EPS15L1: variants seen among roughly 807,000 people sequenced by gnomAD.
EPS15L1 encodes the protein epidermal growth factor receptor substrate 15-like 1.
In EPS15L1, 43 loss-of-function variants were observed where a neutral mutation model predicts 117.1. The ratio of observed to expected loss-of-function variants is 0.37; its 90% confidence interval spans 0.29 to 0.47. EPS15L1 has a LOEUF of 0.47. EPS15L1 is among the 20% of genes least tolerant of loss of function. EPS15L1 has a pLI of 0.99. For synonymous variants in EPS15L1, 459 were observed against 470.5 expected (o/e 0.98, Z 0.32); for missense variants, 981 against 1,164.0 (o/e 0.84, Z 2.29).
At chr19:16,407,135 G>A (rs1236820929) in intron 13 of EPS15L1, among the ~76,000 whole-genome samples, 1 of 152,180 alleles carries the variant, frequency 6.6e-6, no homozygotes, top group Non-Finnish European at 1.5e-5. Context: ...GTGCTGTTAT[G>A]GCAAGCCAAA....
Position 16,392,448 on chromosome 19 carries a change from GA to G in EPS15L1, c.1967-9del. ...GGTCCCCTCCAAATGGATCTAGAAG[GA>G]AAAATGCCCCATAAGTAAACATTAT... On this transcript the variant is annotated splice_polypyrimidine_tract_variant and intron_variant, in intron 18 of 23. Transcript: ENST00000455140. The G allele has an allele frequency of 6.2e-7, 1 of 1,612,600 alleles. No homozygotes were observed. Among genetic ancestry groups the G allele is most frequent in the Non-Finnish European group, 8.5e-7 (1 of 1,179,262 alleles).
At chr19:16,438,286 G>A (rs1037360917) in intron 4 of EPS15L1, among the ~76,000 whole-genome samples, 7 of 152,136 alleles carry the variant, frequency 4.6e-5, no homozygotes, top group Non-Finnish European at 1.0e-4. Context: ...CCAGAGGGTG[G>A]AGGCTGCAGT....
intron 13 of EPS15L1, among the ~76,000 whole-genome samples, chr19:16,410,650 C>G (rs1030798829): frequency 2.0e-5 from 3 of 152,170 alleles, no homozygotes; most frequent in African/African-American, 7.2e-5. Context: ...TGGCTCATGC[C>G]TGTAATCCCA....
rs374750013 is a variant in EPS15L1, at chr19:16,413,762, G to A, written c.1266+11C>T. ...CAAAGTAGATGTAACCAAAACGAAC[G>A]AGACCCTTACCTGCACCTCGCTGGT... On this transcript the variant is annotated intron_variant, in intron 13 of 23. Coordinates refer to ENST00000455140, the MANE Select transcript of EPS15L1 (RefSeq NM_001258374.3). 1.7e-4 allele frequency: 282 copies of A among 1,612,214 alleles called. No individual in the cohort carries two copies. The highest frequency in any genetic ancestry group is 2.1e-4 in the Non-Finnish European group (245 of 1,178,388).
At chr19:16,426,566 GA>G (rs1264796044) in intron 8 of EPS15L1, among the ~76,000 whole-genome samples, 3 of 152,168 alleles carry the variant, frequency 2.0e-5, no homozygotes, top group Admixed American at 1.3e-4. Context: ...TTGAATCCAG[GA>G]GGTGGAGGAT....
chr19:16,456,494 T>C (rs1337042871), intron 1 of EPS15L1, among the ~76,000 whole-genome samples: 2 of 151,738 alleles, frequency 1.3e-5, no homozygotes, highest in Non-Finnish European at 2.9e-5. Flanking sequence ...CTATCTCTAC[T>C]AAACATATAA....
intron 10 of EPS15L1, 21 bp downstream of exon 10, chr19:16,421,298 C>G: frequency 1.9e-6 from 3 of 1,587,540 alleles, no homozygotes; most frequent in Non-Finnish European, 2.6e-6. Context: ...ACAGCCACAA[C>G]TGCCACCTGT....
intron 22 of EPS15L1, among the ~76,000 whole-genome samples, chr19:16,375,090 T>G (rs936939007): frequency 1.3e-5 from 2 of 152,230 alleles, no homozygotes; most frequent in African/African-American, 4.8e-5. Flanking sequence ...TCTCTATGCA[T>G]GCATGTGTGT....
chr19:16,434,043 A>C (rs1826932416), intron 7 of EPS15L1, among the ~76,000 whole-genome samples: 1 of 152,238 alleles, frequency 6.6e-6, no homozygotes, highest in African/African-American at 2.4e-5. Flanking sequence ...AAAGGGGGAA[A>C]GCCCAAGTTG....
At chr19:16,452,850 G>A (rs904652393) in intron 1 of EPS15L1, among the ~76,000 whole-genome samples, 3 of 151,458 alleles carry the variant, frequency 2.0e-5, no homozygotes, top group East Asian at 1.9e-4. Context: ...AAGCTGGAGC[G>A]CAGTGGCACG....
At position 16,363,630 on chromosome 19, in the gene EPS15L1, C is replaced by T. The variant is rs79578464; in HGVS notation, c.2381-1646G>A. Among the ~76,000 whole-genome samples, 229 of 152,322 alleles carry T rather than the reference C, an allele frequency of 1.5e-3. 1 individual carries two copies. In the East Asian group the frequency reaches 0.042, roughly 28 times the overall value. ...GGCAAGGGAAAGTGCCTCCTCCCAGCTGGCCTCCGTTTCCTTATCTGTGAA... is the reference window on the plus strand; with the variant it reads ...GGCAAGGGAAAGTGCCTCCTCCCAGTTGGCCTCCGTTTCCTTATCTGTGAA... On this transcript the variant is annotated intron_variant, in intron 22 of 23. Coordinates refer to ENST00000455140, the MANE Select transcript of EPS15L1 (RefSeq NM_001258374.3).
intron 1 of EPS15L1, among the ~76,000 whole-genome samples, chr19:16,452,133 C>T (rs1012114864): frequency 8.8e-5 from 13 of 148,350 alleles, no homozygotes; most frequent in African/African-American, 1.2e-4. Context: ...AGTGAGACTT[C>T]GTCTCAAAAA....
intron 13 of EPS15L1, among the ~76,000 whole-genome samples, chr19:16,409,724 G>A (rs1029844231): frequency 6.6e-6 from 1 of 152,018 alleles, no homozygotes; most frequent in Admixed American, 6.6e-5. Flanking sequence ...GATCACCTGA[G>A]GTCAGGAGTT....
Position 16,402,502 on chromosome 19 carries a change from T to A in EPS15L1, c.1627-17A>T, listed in dbSNP as rs73021136. 28,961 of 1,571,632 alleles carry A rather than the reference T, an allele frequency of 0.018. 340 individuals carry two copies. The highest frequency in any genetic ancestry group is 0.023 in the Non-Finnish European group (26,208 of 1,160,462). On this transcript the variant is annotated splice_polypyrimidine_tract_variant and intron_variant, in intron 15 of 23. Coordinates refer to ENST00000455140, the MANE Select transcript of EPS15L1 (RefSeq NM_001258374.3). ...GCTCCTTGCCTGTGCAACAAAGACA[T>A]CATCAGCATTAAGCAGGGTCAGGAA...
intron 16 of EPS15L1, among the ~76,000 whole-genome samples, chr19:16,400,353 A>C (rs949549376): frequency 2.8e-4 from 42 of 151,218 alleles, no homozygotes; most frequent in African/African-American, 9.9e-4. Context: ...AAAAAAACAA[A>C]AACAAAAAAA....
At chr19:16,438,659 A>G (rs1401535063) in intron 4 of EPS15L1, among the ~76,000 whole-genome samples, 1 of 152,126 alleles carries the variant, frequency 6.6e-6, no homozygotes, top group Non-Finnish European at 1.5e-5. Context: ...CCTCCTGAGT[A>G]GCTGGGACCA....
chr19:16,448,884 G>A (rs2093112947), intron 1 of EPS15L1, among the ~76,000 whole-genome samples: 1 of 151,672 alleles, frequency 6.6e-6, no homozygotes, highest in Admixed American at 6.6e-5. Context: ...TAGAAAGAAA[G>A]GTTTGCAAAG....
chr19:16,422,516 G>C (rs938573391), intron 9 of EPS15L1, among the ~76,000 whole-genome samples: 3 of 152,072 alleles, frequency 2.0e-5, no homozygotes, highest in Non-Finnish European at 4.4e-5. Context: ...AGGGAGTGGA[G>C]AGAAAAAGGA....
At chr19:16,426,601 T>G (rs2092875348) in intron 8 of EPS15L1, among the ~76,000 whole-genome samples, 1 of 152,046 alleles carries the variant, frequency 6.6e-6, no homozygotes, top group Non-Finnish European at 1.5e-5. Flanking sequence ...ATCATGCCAC[T>G]GCACACCAGC....
Sources: gnomAD v4.1 joint callset for allele counts (sites outside exome capture counted in the v4.1 genomes callset) on GRCh38, gnomAD v4.1.1 for gene constraint, MANE v1.5 for transcripts, NCBI Gene and HGNC (gene_info 2026-07-23, HGNC 2026-07-21) for gene names.